Variants in IQCM observed in about 807,000 individuals in gnomAD.
IQCM encodes the protein IQ domain-containing protein M.
IQCM carries 45 observed loss-of-function variants against 57.6 expected under a neutral mutation model. The ratio of observed to expected loss-of-function variants is 0.78; its 90% confidence interval spans 0.62 to 1.00. IQCM has a LOEUF of 1.00. Ranked by LOEUF, IQCM falls within the 50% of genes least tolerant of loss-of-function variation. The probability of loss-of-function intolerance (pLI) is 0.00; values close to 1 mark genes in which losing one functional copy is unlikely to be tolerated. For missense variants in IQCM, 468 were observed against 511.6 expected (o/e 0.91, Z 0.82); for synonymous variants, 148 against 158.9 (o/e 0.93, Z 0.51).
intron 13 of IQCM, among the ~76,000 whole-genome samples, chr4:149,396,924 A>G (rs571828440): frequency 2.5e-4 from 38 of 152,082 alleles, no homozygotes; most frequent in Admixed American, 9.8e-4. Context: ...ATGTATATAC[A>G]TTACATTTTC....
At chr4:149,725,914 C>T (rs1002511790) in intron 5 of IQCM, among the ~76,000 whole-genome samples, 9 of 151,938 alleles carry the variant, frequency 5.9e-5, no homozygotes, top group African/African-American at 2.2e-4. Flanking sequence ...TCTTCTTGTT[C>T]TACTAATCCT....
At chr4:149,526,149 T>C (rs1311164207) in intron 12 of IQCM, among the ~76,000 whole-genome samples, 1 of 151,966 alleles carries the variant, frequency 6.6e-6, no homozygotes, top group Non-Finnish European at 1.5e-5. Flanking sequence ...AAAATATTTA[T>C]ACACTTTTAT....
chr4:149,686,481 TA>T lies in IQCM; in HGVS notation c.386-14del. On this transcript the variant is annotated splice_polypyrimidine_tract_variant and intron_variant, in intron 5 of 13. Coordinates refer to ENST00000636793, the MANE Select transcript of IQCM (RefSeq NM_001363507.2). ...AATTTAACTTGTCCTGAAATTTTGTTAAAGTTTTAATTGCATACTATTAGTT... is the reference window on the plus strand; with the variant it reads ...AATTTAACTTGTCCTGAAATTTTGTTAAGTTTTAATTGCATACTATTAGTT... 1 of 1,158,246 alleles carries T rather than the reference TA, an allele frequency of 8.6e-7. No homozygotes were observed. Among genetic ancestry groups the T allele is most frequent in the Admixed American group, 4.3e-5 (1 of 23,474 alleles). 71.7% of individuals were successfully genotyped at this position (1,158,246 alleles called of 1,614,324 possible). A position where few individuals can be genotyped will look rare whatever the true frequency, so the allele number is the denominator to read the frequency against.
chr4:149,474,101 G>A (rs1262329932), intron 12 of IQCM, among the ~76,000 whole-genome samples: 1 of 151,532 alleles, frequency 6.6e-6, no homozygotes, highest in Non-Finnish European at 1.5e-5. Flanking sequence ...TTGTGCACAT[G>A]TACCCTAGAA....
At chr4:149,394,615 G>C (rs1240076781) in intron 13 of IQCM, among the ~76,000 whole-genome samples, 4 of 151,778 alleles carry the variant, frequency 2.6e-5, no homozygotes, top group Non-Finnish European at 1.5e-5. Flanking sequence ...CTGGGGGTGA[G>C]GATCAGTCTC....
intron 7 of IQCM, among the ~76,000 whole-genome samples, chr4:149,630,579 A>C (rs1757179236): frequency 6.6e-6 from 1 of 152,212 alleles, no homozygotes; most frequent in African/African-American, 2.4e-5. Flanking sequence ...TAAAAAAATA[A>C]GAATTATTCC....
intron 13 of IQCM, among the ~76,000 whole-genome samples, chr4:149,357,427 C>T (rs11944218): frequency 0.1 from 15,252 of 152,070 alleles, 1,269 homozygotes; most frequent in African/African-American, 0.23. Context: ...CCATCAATAC[C>T]TAATTTATTG....
At chr4:149,564,090 T>C (rs564309657) in intron 9 of IQCM, among the ~76,000 whole-genome samples, 200 bp from the exon 10 acceptor site, 19 of 152,276 alleles carry the variant, frequency 1.2e-4, no homozygotes, top group African/African-American at 4.6e-4. Context: ...CAATATTACA[T>C]GGATAAAACT....
At chr4:149,481,701 G>GTTTTTTTTTTTTTTTGTTTGTTTTTTTT (rs1740837055) in intron 12 of IQCM, among the ~76,000 whole-genome samples, 11 of 51,546 alleles carry the variant, frequency 2.1e-4, no homozygotes, top group African/African-American at 6.8e-4. Context: ...TTCCAGTTTT[G>GTTTTTTTTTTTTTTTGTTTGTTTTTTTT]TTTTTTTTTT....
At chr4:149,646,146 G>A (rs912686465) in intron 7 of IQCM, among the ~76,000 whole-genome samples, 3 of 152,014 alleles carry the variant, frequency 2.0e-5, no homozygotes, top group African/African-American at 4.8e-5. Context: ...TCAGCCTTAG[G>A]GAACCCTGTA....
chr4:149,476,964 A>T (rs1328312997), intron 12 of IQCM, among the ~76,000 whole-genome samples: 4 of 152,204 alleles, frequency 2.6e-5, no homozygotes, highest in African/African-American at 9.6e-5. Context: ...AAAGAGCCTC[A>T]CAAATACAGG....
chr4:149,372,472 GGGTAGCCCCATATTTGAATGGAGAAA>G (rs1730429854), intron 13 of IQCM, among the ~76,000 whole-genome samples: 1 of 151,966 alleles, frequency 6.6e-6, no homozygotes, highest in African/African-American at 2.4e-5. Context: ...GAAACCTGTA[GGGTAGCCCCATATTTGAATGGAGAAA>G]GCCTCATTCA....
At chr4:149,648,406 T>G (rs1245662826) in intron 7 of IQCM, among the ~76,000 whole-genome samples, 1 of 152,214 alleles carries the variant, frequency 6.6e-6, no homozygotes, top group African/African-American at 2.4e-5. Context: ...TAGTATTCCA[T>G]GGTGTATATG....
intron 12 of IQCM, among the ~76,000 whole-genome samples, chr4:149,541,176 G>A (rs1383850577): frequency 1.3e-5 from 2 of 152,112 alleles, no homozygotes; most frequent in East Asian, 3.9e-4. Context: ...AGCATTGTTG[G>A]TTTGTGGTGG....
chr4:149,545,930 T>C (rs1045229388), intron 12 of IQCM, among the ~76,000 whole-genome samples: 1 of 152,158 alleles, frequency 6.6e-6, no homozygotes, highest in African/African-American at 2.4e-5. Flanking sequence ...TAACTCGTCC[T>C]TTACATTAGG....
At chr4:149,353,022 A>G (rs1173133079) in intron 13 of IQCM, among the ~76,000 whole-genome samples, 2 of 152,202 alleles carry the variant, frequency 1.3e-5, no homozygotes, top group Non-Finnish European at 2.9e-5. Flanking sequence ...GAGGTGTTAT[A>G]AGAAACAAGG....
At chr4:149,644,575 G>A (rs950258046) in intron 7 of IQCM, among the ~76,000 whole-genome samples, 3 of 151,980 alleles carry the variant, frequency 2.0e-5, no homozygotes, top group Non-Finnish European at 4.4e-5. Flanking sequence ...TATATCTATT[G>A]AACTGTTGGT....
chr4:149,655,352 T>A (rs960218123), intron 7 of IQCM, among the ~76,000 whole-genome samples: 2 of 152,134 alleles, frequency 1.3e-5, no homozygotes, highest in Admixed American at 1.3e-4. Flanking sequence ...TTTTCTTACA[T>A]CCCACAAGTC....
chr4:149,770,258 T>C (rs1287133779), intron 2 of IQCM, among the ~76,000 whole-genome samples: 1 of 152,072 alleles, frequency 6.6e-6, no homozygotes, highest in Non-Finnish European at 1.5e-5. Context: ...CAAAGTTCAC[T>C]CAAGAAGAAA....
Sources: allele counts gnomAD v4.1 joint callset (sites outside exome capture counted in the v4.1 genomes callset), GRCh38; gene constraint gnomAD v4.1.1; transcripts MANE v1.5; gene names NCBI Gene and HGNC (gene_info 2026-07-23, HGNC 2026-07-21).